Variants in KLHL17 observed in about 807,000 individuals in gnomAD.
KLHL17 encodes the protein kelch-like protein 17.
KLHL17 carries 71 observed loss-of-function variants against 64.6 expected under a neutral mutation model. The observed-to-expected ratio is 1.10, with a 90% CI of 0.91 to 1.34. The LOEUF (loss-of-function observed/expected upper bound fraction) is 1.34, where lower values mean the gene tolerates loss of function less well. Among genes scored for constraint, KLHL17 ranks in the 40% most tolerant of loss-of-function variants. The probability of loss-of-function intolerance (pLI) is 0.00; values close to 1 mark genes in which losing one functional copy is unlikely to be tolerated. For synonymous variants in KLHL17, 612 were observed against 405.4 expected, an observed-to-expected ratio of 1.51 and a Z score of -6.12; for missense variants, 1,140 against 935.0, an observed-to-expected ratio of 1.22 and a Z score of -2.86.
At chr1:964,238 T>G (rs1309858853) in intron 10 of KLHL17, 58 bp downstream of exon 10, 2 of 1,603,632 alleles carry the variant, frequency 1.2e-6, no homozygotes, top group African/African-American at 2.7e-5. Context: ...CCCTCCTCCC[T>G]CTGTTTACCC....
chr1:961,429 A>G lies in KLHL17; in HGVS notation c.244A>G (p.Met82Val), dbSNP rs1642641048. 1.2e-6 allele frequency: 2 copies of G among 1,611,892 alleles called. No homozygotes were observed. Among genetic ancestry groups the G allele is most frequent in the African/African-American group, 1.3e-5 (1 of 74,918 alleles). Residue 82 changes from methionine (M) to valine (V), a missense_variant, in exon 2 of 12, where the codon ATG becomes GTG. Transcript: ENST00000338591. ...KRHYHDAFVA[M>V]SRMRQRGLLC... ...GCACTACCACGATGCCTTCGTGGCC[A>G]TGAGCCGCATGCGCCAGCGCGGCCT...
Position 960,636 on chromosome 1 carries a change from C to G in KLHL17, c.-58C>G. ...CACCGCCGAGCAGCCCTCCGGCAGTCTCCGCGTCCGTTAAGCCCGCGGGTC... is the reference window on the plus strand; with the variant it reads ...CACCGCCGAGCAGCCCTCCGGCAGTGTCCGCGTCCGTTAAGCCCGCGGGTC... On this transcript the variant is annotated 5_prime_UTR_variant, in exon 1 of 12. Transcript: ENST00000338591. The G allele has an allele frequency of 7.8e-7, 1 of 1,289,952 alleles. No individual in the cohort carries two copies. The highest frequency in any genetic ancestry group is 3.9e-5 in the Admixed American group (1 of 25,798). The allele number at this position is 1,289,952 out of a possible 1,614,324, so 79.9% of individuals were successfully genotyped here.
intron 4 of KLHL17, 33 bp downstream of exon 4, chr1:962,080 A>ACCCCCCC: frequency 3.9e-6 from 3 of 769,424 alleles, no homozygotes; most frequent in Non-Finnish European, 3.2e-6. Context: ...CTCGCCCCCC[A>ACCCCCCC]CCCCACCCCA....
In KLHL17 at chr1:961,911, C is replaced by T; in HGVS notation, c.575C>T (p.Ser192Phe). The T allele has an allele frequency of 1.2e-6, 2 of 1,612,962 alleles. No homozygotes were observed. Among genetic ancestry groups the T allele is most frequent in the Non-Finnish European group, 8.5e-7 (1 of 1,180,030 alleles). ...TTTCTACTGAGTCAGCTCGACCCCTCCAACTGCCTGGGTATCCGGGGCTTT... is the reference window on the plus strand; with the variant it reads ...TTTCTACTGAGTCAGCTCGACCCCTTCAACTGCCTGGGTATCCGGGGCTTT... ...CKFLLSQLDP[S>F]NCLGIRGFAD... Residue 192 changes from serine (S) to phenylalanine (F), a missense_variant, in exon 4 of 12, where the codon TCC becomes TTC. By Grantham distance (155) the Ser-to-Phe change is radical. Transcript: ENST00000338591.
In KLHL17 at chr1:965,581, G is replaced by T. The variant is rs1336732079; in HGVS notation, c.*390G>T. The T allele has an allele frequency of 3.9e-6, 1 of 258,406 alleles. No homozygotes were observed. Among genetic ancestry groups the T allele is most frequent in the East Asian group, 8.3e-5 (1 of 12,028 alleles). The allele number at this position is 258,406 out of a possible 1,614,324, so 16.0% of individuals were successfully genotyped here. ...TGCACATGGCGGGGTCCCGGGAAGG[G>T]TGGGGAGCAGTTGTCCTTCCTGTCG... On this transcript the variant is annotated 3_prime_UTR_variant, in exon 12 of 12. Transcript: ENST00000338591.
chr1:960,875 G>A, intron 1 of KLHL17, 75 bp downstream of exon 1: 1 of 954,714 alleles, frequency 1.0e-6, no homozygotes, highest in Non-Finnish European at 1.2e-6. Flanking sequence ...TCCGCTCGCA[G>A]AAGGGGCGGG....
intron 6 of KLHL17, 56 bp downstream of exon 6, chr1:962,973 C>G: frequency 1.3e-6 from 2 of 1,514,762 alleles, no homozygotes; most frequent in Non-Finnish European, 1.8e-6. Flanking sequence ...CCCACCAGCA[C>G]AAGCCCACCC....
rs760540493 is a variant in KLHL17, at chr1:961,351, G to A, written c.166G>A (p.Ala56Thr). The change falls in exon 2 of 12, where the codon GCC becomes ACC. Residue 56 changes from alanine to threonine, a missense_variant. By Grantham distance (58) the Ala-to-Thr change is moderately conservative. Coordinates refer to ENST00000338591, the MANE Select transcript of KLHL17 (RefSeq NM_198317.3). ...TCGGCCCGCAGCCCCCATGGAGGGA[G>A]CCGTGCAGCTGCTGAGCCGCGAGGG... Reference protein sequence around the residue: ...QARPAAPMEGAVQLLSREGHS... With the variant: ...QARPAAPMEGTVQLLSREGHS... 1.3e-6 allele frequency: 2 copies of A among 1,578,368 alleles called. No individual in the cohort carries two copies. The highest frequency in any genetic ancestry group is 4.6e-5 in the East Asian group (2 of 43,194).
intron 4 of KLHL17, 72 bp from the exon 5 acceptor site, chr1:962,283 T>C (rs772160649): frequency 1.9e-6 from 3 of 1,606,892 alleles, no homozygotes; most frequent in Middle Eastern, 1.6e-4. Context: ...CCCTCCCTCC[T>C]AGGCATCTTC....
At position 960,690 on chromosome 1, in the gene KLHL17, C is replaced by A. The variant is rs1384366153; in HGVS notation, c.-4C>A. On this transcript the variant is annotated 5_prime_UTR_variant, in exon 1 of 12. Coordinates refer to ENST00000338591, the MANE Select transcript of KLHL17 (RefSeq NM_198317.3). Reference sequence around the variant, plus strand: ...CGCGAATCGGCGGTGGGTCCGGCAGCCGAATGCAGCCCCGCAGCGAGCGCC... The same window carrying A: ...CGCGAATCGGCGGTGGGTCCGGCAGACGAATGCAGCCCCGCAGCGAGCGCC... 7.3e-7 allele frequency: 1 copy of A among 1,375,632 alleles called. No homozygotes were observed. The allele number at this position is 1,375,632 out of a possible 1,614,324, so 85.2% of individuals were successfully genotyped here.
chr1:960,846 C>T, intron 1 of KLHL17, 46 bp downstream of exon 1: 1 of 979,738 alleles, frequency 1.0e-6, no homozygotes, highest in South Asian at 4.6e-5. Flanking sequence ...TCGGGACCTG[C>T]GCGGCCCCCG....
In KLHL17 at chr1:963,903, G is replaced by C. The variant is rs202040248; in HGVS notation, c.1356-17G>C. 3 of 1,611,458 alleles carry C rather than the reference G, an allele frequency of 1.9e-6. No homozygotes were observed. Among genetic ancestry groups the C allele is most frequent in the South Asian group, 1.1e-5 (1 of 91,042 alleles). On this transcript the variant is annotated splice_polypyrimidine_tract_variant and intron_variant, in intron 8 of 11. Coordinates refer to ENST00000338591, the MANE Select transcript of KLHL17 (RefSeq NM_198317.3). Reference sequence around the variant, plus strand: ...TCTGTCTCTGCTGAGCTGTGGCTGCGGTCCTGGTGCCCACAGTGCTGAACG... The same window carrying C: ...TCTGTCTCTGCTGAGCTGTGGCTGCCGTCCTGGTGCCCACAGTGCTGAACG...
chr1:963,982 G>A lies in KLHL17; in HGVS notation c.1418G>A (p.Arg473Lys). ...TCCGTCGCTGCCATGAGCACCCGGAGGCGCTATGTGCGAGTGGCCACGCTT... is the reference window on the plus strand; with the variant it reads ...TCCGTCGCTGCCATGAGCACCCGGAAGCGCTATGTGCGAGTGGCCACGCTT... ...WTSVAAMSTR[R>K]RYVRVATLDG... Residue 473 changes from arginine to lysine, a missense_variant, in exon 9 of 12, where the codon AGG (arginine) becomes AAG (lysine). By Grantham distance (26) the Arg-to-Lys change is conservative (BLOSUM62 2). Coordinates refer to ENST00000338591, the MANE Select transcript of KLHL17 (RefSeq NM_198317.3). 6.2e-7 allele frequency: 1 copy of A among 1,612,648 alleles called. No homozygotes were observed. The highest frequency in any genetic ancestry group is 8.5e-7 in the Non-Finnish European group (1 of 1,179,944).
At position 965,161 on chromosome 1, in the gene KLHL17, G is replaced by A. The variant is rs753204975; in HGVS notation, c.1899G>A (p.Pro633=). 1.6e-5 allele frequency: 25 copies of A among 1,612,264 alleles called. No individual in the cohort carries two copies. The highest frequency in any genetic ancestry group is 6.7e-5 in the African/African-American group (5 of 74,860). ...ELLNFPPPSS[P]TLSVSSTSL ...TCAATTTCCCGCCGCCATCCTCCCCGACGCTGTCCGTGTCCTCCACCAGCC... is the reference window on the plus strand; with the variant it reads ...TCAATTTCCCGCCGCCATCCTCCCCAACGCTGTCCGTGTCCTCCACCAGCC... The change falls in exon 12 of 12, where the codon CCG becomes CCA. Residue 633 remains proline (P), a synonymous_variant. Transcript: ENST00000338591.
chr1:964,127 G>A lies in KLHL17; in HGVS notation c.1465G>A (p.Gly489Ser). Residue 489 changes from glycine (G) to serine (S), a missense_variant, in exon 10 of 12, where the codon GGC (glycine) becomes AGC (serine). Gly to Ser is a moderately conservative substitution (Grantham distance 56). Transcript: ENST00000338591. ...ATLDGNLYAV[G>S]GYDSSSHLAT... is the part of the protein sequence containing the mutation. ...GGCAGATGGGAACCTGTATGCTGTG[G>A]GCGGCTACGACAGCTCCTCACACCT... 3 of 1,612,696 alleles carry A rather than the reference G, an allele frequency of 1.9e-6. No homozygotes were observed. Among genetic ancestry groups the A allele is most frequent in the Non-Finnish European group, 2.5e-6 (3 of 1,179,920 alleles).
chr1:962,095 AGTCTTT>A (rs538369199), intron 4 of KLHL17, 48 bp downstream of exon 4: 14,643 of 786,612 alleles, frequency 0.019, 100 homozygotes, highest in Admixed American at 0.029. Flanking sequence ...ACCCCACCCC[AGTCTTT>A]GTCTTTGACT....
In KLHL17 at chr1:965,378, A is replaced by C; in HGVS notation, c.*187A>C. ...TGAGGAGTGCCACGGCTGCCCGTTTACACCTTTAGCGTCTGGTCCTCCTGC... is the reference window on the plus strand; with the variant it reads ...TGAGGAGTGCCACGGCTGCCCGTTTCCACCTTTAGCGTCTGGTCCTCCTGC... On this transcript the variant is annotated 3_prime_UTR_variant, in exon 12 of 12. Coordinates refer to ENST00000338591, the MANE Select transcript of KLHL17 (RefSeq NM_198317.3). The C allele has an allele frequency of 1.6e-6, 1 of 612,362 alleles. No individual in the cohort carries two copies. Among genetic ancestry groups the C allele is most frequent in the Non-Finnish European group, 2.8e-6 (1 of 353,602 alleles). 37.9% of individuals were successfully genotyped at this position (612,362 alleles called of 1,614,324 possible). A position where few individuals can be genotyped will look rare whatever the true frequency, so the allele number is the denominator to read the frequency against.
rs751897702 is a variant in KLHL17, at chr1:962,470, G to C, written c.827G>C (p.Arg276Pro). The C allele has an allele frequency of 6.2e-7, 1 of 1,612,364 alleles. No homozygotes were observed. The highest frequency in any genetic ancestry group is 2.2e-5 in the East Asian group (1 of 44,864). Residue 276 changes from arginine (R) to proline (P), a missense_variant and splice_region_variant, in exon 5 of 12, where the codon CGG becomes CCG. By Grantham distance (103) the Arg-to-Pro change is moderately radical. Coordinates refer to ENST00000338591, the MANE Select transcript of KLHL17 (RefSeq NM_198317.3). Reference sequence around the variant, plus strand: ...GACGCCCGCAGGCAGCATGTCCCACGGGTGAGGCGCGGCCGCGGGGGGCTC... The same window carrying C: ...GACGCCCGCAGGCAGCATGTCCCACCGGTGAGGCGCGGCCGCGGGGGGCTC... The part of the protein sequence containing the change: ...DVDARRQHVP[R>P]LMKCVRLPLL...
rs1381103537 is a variant in KLHL17 at position 961,549 on chromosome 1, A to G, written c.364A>G (p.Thr122Ala). The change falls in exon 2 of 12, where the codon ACA (threonine) becomes GCA (alanine). Residue 122 changes from threonine to alanine, a missense_variant. Transcript: ENST00000338591. ...CAGCCCCTACTTCCACGCCATGTTC[A>G]CAAGCAAGTACCCGCCTGGGCGGCG... ...SCSPYFHAMFTNEMSESRQTH... is the reference protein window; with the variant it reads ...SCSPYFHAMFANEMSESRQTH... The G allele has an allele frequency of 6.2e-7, 1 of 1,612,610 alleles. No homozygotes were observed. Among genetic ancestry groups the G allele is most frequent in the Non-Finnish European group, 8.5e-7 (1 of 1,179,952 alleles).
Sources: allele counts gnomAD v4.1 joint callset, GRCh38; gene constraint gnomAD v4.1.1; transcripts MANE v1.5; gene names NCBI Gene and HGNC (gene_info 2026-07-23, HGNC 2026-07-21).